AK8: variants seen among roughly 807,000 people sequenced by gnomAD.
AK8 encodes the protein adenylate kinase 8.
AK8 carries 44 observed loss-of-function variants against 54.6 expected under a neutral mutation model. That is an observed-to-expected ratio of 0.81 (90% CI 0.63 to 1.04). The LOEUF (loss-of-function observed/expected upper bound fraction) is 1.04, where lower values mean the gene tolerates loss of function less well. Ranked by LOEUF, AK8 falls within the 50% of genes least tolerant of loss-of-function variation. The pLI, the probability that AK8 is intolerant of heterozygous loss-of-function variation, is 0.00. For synonymous variants in AK8, 239 were observed against 245.6 expected (o/e 0.97, Z 0.25); for missense variants, 555 against 613.6 (o/e 0.90, Z 1.01).
chr9:132,793,861 T>C lies in AK8; in HGVS notation c.980-1086A>G, dbSNP rs1444017257. ...CCCCATTGGAACTGGTTCCTAGGGG[T>C]GTGGTGGCAGTGAGTTTGGCAGTTT... On this transcript the variant is annotated intron_variant, in intron 10 of 12. Transcript: ENST00000298545. Among the ~76,000 whole-genome samples the C allele has an allele frequency of 2.0e-5, 3 of 152,170 alleles. No homozygotes were observed. In the East Asian group the frequency reaches 5.8e-4, roughly 29 times the overall value.
chr9:132,861,371 A>G (rs1843382003), intron 4 of AK8: 1 of 152,218 alleles, frequency 6.6e-6, no homozygotes, highest in Non-Finnish European at 1.5e-5. Flanking sequence ...TAAATGAATT[A>G]GTAAATGAAT....
chr9:132,778,821 TTGGTAAATGCCCTGATTAA>T (rs960444544), intron 11 of AK8, among the ~76,000 whole-genome samples: 1 of 152,158 alleles, frequency 6.6e-6, no homozygotes, highest in African/African-American at 2.4e-5. Context: ...TTTATAAACA[TTGGTAAATGCCCTGATTAA>T]AAATTTCCAG....
intron 5 of AK8, among the ~76,000 whole-genome samples, chr9:132,851,626 T>C (rs1418666262): frequency 6.6e-6 from 1 of 152,198 alleles, no homozygotes; most frequent in East Asian, 1.9e-4. Context: ...GCCAGCTCAC[T>C]GCCAAGTCCC....
intron 9 of AK8, among the ~76,000 whole-genome samples, chr9:132,816,697 T>C (rs1368785373): frequency 6.6e-6 from 1 of 151,964 alleles, no homozygotes; most frequent in African/African-American, 2.4e-5. Flanking sequence ...TTCTTTAGAG[T>C]CATTGGACAA....
At chr9:132,730,764 A>G (rs575290267) in intron 11 of AK8, among the ~76,000 whole-genome samples, 1 of 152,214 alleles carries the variant, frequency 6.6e-6, no homozygotes, top group South Asian at 2.1e-4. Context: ...CTACATGGAG[A>G]ATGTGTGCCC....
intron 5 of AK8, among the ~76,000 whole-genome samples, chr9:132,831,108 T>C (rs1842083397): frequency 6.6e-6 from 1 of 152,242 alleles, no homozygotes; most frequent in African/African-American, 2.4e-5. Context: ...TTTCTGCCTG[T>C]AGATTGTTAA....
chr9:132,814,707 T>C lies in AK8; in HGVS notation c.910A>G (p.Lys304Glu), dbSNP rs761670677. The change falls in exon 10 of 13, where the codon AAA (lysine) becomes GAA (glutamate). Residue 304 changes from lysine to glutamate, a missense_variant. Physicochemically the swap from Lys to Glu is moderately conservative, Grantham distance 56. Transcript: ENST00000298545. ...LVNVCCGQLL[K>E]EAVADRTTFG... ...GTGGTCCTATCTGCCACAGCCTCTT[T>C]CAGCAGTTGCCCACAGCAGACTGAA... is the stretch of plus-strand genomic sequence containing the variant. 3.1e-6 allele frequency: 5 copies of C among 1,613,946 alleles called. No homozygotes were observed. In the South Asian group the frequency reaches 5.5e-5, roughly 18 times the overall value.
rs1842358685 is a variant in AK8 at position 132,837,113 on chromosome 9, G to A, written c.403-8387C>T. On this transcript the variant is annotated intron_variant, in intron 5 of 12. Transcript: ENST00000298545. This position sits in a 1 kb window ranked among gnomAD's most constrained non-coding sequence, Gnocchi z 4.3. The stretch of plus-strand genomic sequence containing the variant: ...AGGTAGGCGGATCATGAGGTCAAGA[G>A]ATCGAGACCATCCTGGCCAACGTGG... Among the ~76,000 whole-genome samples, 1 of 152,268 alleles carries A rather than the reference G, an allele frequency of 6.6e-6. No individual in the cohort carries two copies. Among genetic ancestry groups the A allele is most frequent in the Admixed American group, 6.5e-5 (1 of 15,306 alleles).
intron 3 of AK8, among the ~76,000 whole-genome samples, chr9:132,864,241 T>A (rs1029603737): frequency 1.3e-5 from 2 of 152,146 alleles, no homozygotes; most frequent in African/African-American, 4.8e-5. Context: ...CTATAGTCTA[T>A]AAGGGAAGAG....
At chr9:132,786,704 T>C (rs1425171593) in intron 11 of AK8, among the ~76,000 whole-genome samples, 6 of 152,204 alleles carry the variant, frequency 3.9e-5, no homozygotes, top group Non-Finnish European at 2.9e-5. Flanking sequence ...AATCGCTTTT[T>C]AGTCTCCCAT....
intron 9 of AK8, 22 bp from the exon 10 acceptor site, chr9:132,814,749 A>G (rs1841241350): frequency 6.2e-7 from 1 of 1,603,782 alleles, no homozygotes. Flanking sequence ...GGGAACAGAA[A>G]GACACCCATT....
intron 5 of AK8, among the ~76,000 whole-genome samples, chr9:132,847,488 G>C (rs1842795284): frequency 6.6e-6 from 1 of 152,126 alleles, no homozygotes; most frequent in African/African-American, 2.4e-5. Context: ...AGGAACTCTT[G>C]GCATATTGAA....
At chr9:132,859,555 C>T (rs993759352) in intron 4 of AK8, among the ~76,000 whole-genome samples, 1 of 151,794 alleles carries the variant, frequency 6.6e-6, no homozygotes, top group Non-Finnish European at 1.5e-5. Context: ...CTCATAAGTA[C>T]AGGATCAGCA....
intron 11 of AK8, chr9:132,769,211 C>G (rs774936395): frequency 5.9e-5 from 9 of 152,364 alleles, no homozygotes; most frequent in Non-Finnish European, 1.3e-4. Flanking sequence ...AGTCCAGGCA[C>G]CACCCTGCCC....
intron 11 of AK8, among the ~76,000 whole-genome samples, chr9:132,766,168 G>A (rs2131071319): frequency 6.6e-6 from 1 of 152,338 alleles, no homozygotes; most frequent in South Asian, 2.1e-4. Flanking sequence ...CTGGAGTGCA[G>A]TGGTGTGATC....
At chr9:132,866,187 T>C (rs1461492500) in intron 3 of AK8, among the ~76,000 whole-genome samples, 1 of 152,160 alleles carries the variant, frequency 6.6e-6, no homozygotes, top group African/African-American at 2.4e-5. Context: ...GACACAGTGA[T>C]ACTCTGTCTG....
At chr9:132,863,586 A>C in intron 4 of AK8, 79 bp downstream of exon 4, 1 of 960,710 alleles carries the variant, frequency 1.0e-6, no homozygotes, top group Non-Finnish European at 1.6e-6. Context: ...GAACAAACCA[A>C]GCAATGGTCA....
chr9:132,807,107 A>T (rs1434813993), intron 10 of AK8, among the ~76,000 whole-genome samples: 1 of 152,140 alleles, frequency 6.6e-6, no homozygotes. Flanking sequence ...CCCTCCTGAC[A>T]ATAAGAAAGG....
chr9:132,786,070 C>A (rs73546977), intron 11 of AK8, among the ~76,000 whole-genome samples: 8 of 152,212 alleles, frequency 5.3e-5, no homozygotes, highest in Admixed American at 5.2e-4. Flanking sequence ...AGGCAACGAG[C>A]TGAGGCGGCC....
Sources: allele counts gnomAD v4.1 joint callset (sites outside exome capture counted in the v4.1 genomes callset), GRCh38; gene constraint gnomAD v4.1.1; non-coding constraint Gnocchi (gnomAD v3.1); transcripts MANE v1.5; gene names NCBI Gene and HGNC (gene_info 2026-07-23, HGNC 2026-07-21).